The following ZNF362 variants were observed in gnomAD, a reference collection of about 807,000 sequenced individuals.
The protein encoded by ZNF362 is rotund homolog.
In ZNF362, 11 loss-of-function variants were observed where a neutral mutation model predicts 42.9. That is an observed-to-expected ratio of 0.26 (90% confidence interval 0.16 to 0.42). ZNF362 has a LOEUF of 0.42. Among genes scored for constraint, ZNF362 ranks in the 20% least tolerant of loss-of-function variants. The pLI is 1.00. For synonymous variants in ZNF362, 255 were observed against 257.3 expected, an observed-to-expected ratio of 0.99 and a Z score of 0.09; for missense variants, 362 against 576.2, an observed-to-expected ratio of 0.63 and a Z score of 3.81.
the ZNF362 span, among the ~76,000 whole-genome samples, chr1:33,189,634 C>CATATATATATATAT: frequency 9.0e-4 from 50 of 55,416 alleles, no homozygotes; most frequent in East Asian, 1.8e-3. Context: ...CACATTCCAG[C>CATATATATATATAT]ATATATATAT....
the ZNF362 span, among the ~76,000 whole-genome samples, chr1:33,200,781 G>A: frequency 1.3e-5 from 2 of 152,282 alleles, no homozygotes; most frequent in African/African-American, 4.8e-5. Context: ...GCTAAATTGT[G>A]TACCCTTTCC....
At chr1:33,221,316 C>A in the ZNF362 span, among the ~76,000 whole-genome samples, 1 of 152,212 alleles carries the variant, frequency 6.6e-6, no homozygotes, top group Non-Finnish European at 1.5e-5. Context: ...CCCCATCAGG[C>A]AGGCTTGGGC....
chr1:33,129,952 C>A, the ZNF362 span, among the ~76,000 whole-genome samples: 1 of 152,078 alleles, frequency 6.6e-6, no homozygotes, highest in African/African-American at 2.4e-5. The surrounding 1 kb of genome is among the most constrained non-coding windows in gnomAD (Gnocchi z 4.1). Context: ...CTCTGCCTCC[C>A]GGGTTCAAGC....
At chr1:33,166,747 C>T in the ZNF362 span, among the ~76,000 whole-genome samples, 3 of 152,086 alleles carry the variant, frequency 2.0e-5, no homozygotes, top group African/African-American at 7.2e-5. Flanking sequence ...ACAACAAATC[C>T]ACAACACACA....
At chr1:33,147,296 A>G in the ZNF362 span, 1 of 1,614,060 alleles carries the variant, frequency 6.2e-7, no homozygotes, top group Non-Finnish European at 8.5e-7. The surrounding 1 kb of genome is among the most constrained non-coding windows in gnomAD (Gnocchi z 8.1). Flanking sequence ...GTGTAGAGCC[A>G]GGACATGTCA....
At position 33,266,141 on chromosome 1, in the gene ZNF362, T is replaced by C. The variant is rs904353370; in HGVS notation, c.-88-4346T>C. On this transcript the variant is annotated intron_variant, in intron 1 of 8. Coordinates refer to ENST00000539719, the MANE Select transcript of ZNF362 (RefSeq NM_152493.3). This position sits in a 1 kb window ranked among gnomAD's most constrained non-coding sequence, Gnocchi z 4.3. The stretch of plus-strand genomic sequence containing the variant: ...CCAGCCTGACTGCAGCAGTAGCTGT[T>C]GCCCCTCTCTGGGGGCAGGGATTAT... Among the ~76,000 whole-genome samples, 3 of 152,224 alleles carry C rather than the reference T, an allele frequency of 2.0e-5. No homozygotes were observed. The highest frequency in any genetic ancestry group is 7.2e-5 in the African/African-American group (3 of 41,464).
intron 1 of ZNF362, among the ~76,000 whole-genome samples, chr1:33,264,321 T>C (rs897016346): frequency 6.6e-6 from 1 of 152,066 alleles, no homozygotes; most frequent in African/African-American, 2.4e-5. Flanking sequence ...CTAGATGGCA[T>C]TACTGGCTGG....
chr1:33,216,599 C>CAAAAAAAAAAAA, the ZNF362 span, among the ~76,000 whole-genome samples: 17 of 71,898 alleles, frequency 2.4e-4, no homozygotes, highest in East Asian at 4.0e-4. Flanking sequence ...GACTCTGTCT[C>CAAAAAAAAAAAA]AAAAAAAAAA....
chr1:33,147,719 C>T, the ZNF362 span: 12 of 1,609,188 alleles, frequency 7.5e-6, 1 homozygote, highest in South Asian at 7.7e-5. This position sits in a 1 kb window ranked among gnomAD's most constrained non-coding sequence, Gnocchi z 8.1. Context: ...AGGGTTAGGG[C>T]GGCTGGCACT....
chr1:33,287,952 G>A (rs565969775), intron 6 of ZNF362, among the ~76,000 whole-genome samples: 12 of 152,226 alleles, frequency 7.9e-5, no homozygotes, highest in African/African-American at 2.9e-4. Context: ...TAAAAAACAC[G>A]ACATGCCAAA....
At chr1:33,240,893 A>T in the ZNF362 span, among the ~76,000 whole-genome samples, 1 of 152,116 alleles carries the variant, frequency 6.6e-6, no homozygotes, top group African/African-American at 2.4e-5. Context: ...TTTCAATCTC[A>T]CTTTGCTGGT....
intron 6 of ZNF362, among the ~76,000 whole-genome samples, chr1:33,293,564 G>A (rs898717961): frequency 5.3e-5 from 8 of 152,182 alleles, no homozygotes; most frequent in Non-Finnish European, 8.8e-5. Context: ...GAGAGGGGCT[G>A]GGGCCTTGGA....
At chr1:33,131,104 G>T in the ZNF362 span, among the ~76,000 whole-genome samples, 4 of 152,218 alleles carry the variant, frequency 2.6e-5, no homozygotes, top group Non-Finnish European at 5.9e-5. Flanking sequence ...GTTGGTCAAA[G>T]AAAACAGCCA....
chr1:33,158,176 C>T, the ZNF362 span: 20 of 1,343,230 alleles, frequency 1.5e-5, no homozygotes, highest in Non-Finnish European at 2.1e-5. Context: ...CTGCCCCATG[C>T]TGTGTTTAGG....
rs542571694 is a variant in ZNF362 at position 33,299,618 on chromosome 1, C to T, written c.*572C>T. The T allele has an allele frequency of 6.5e-6, 1 of 153,944 alleles. No individual in the cohort carries two copies. The highest frequency in any genetic ancestry group is 2.4e-5 in the African/African-American group (1 of 41,558). 9.5% of individuals were successfully genotyped at this position (153,944 alleles called of 1,614,324 possible). ...CCCTGAGTGCCTGGCTCGCACCTCTCGAGCTGTGCCCTGGGCATCACTGAG... is the reference window on the plus strand; with the variant it reads ...CCCTGAGTGCCTGGCTCGCACCTCTTGAGCTGTGCCCTGGGCATCACTGAG... On this transcript the variant is annotated 3_prime_UTR_variant, in exon 9 of 9. Transcript: ENST00000539719.
the ZNF362 span, among the ~76,000 whole-genome samples, chr1:33,234,029 T>C: frequency 6.6e-6 from 1 of 152,216 alleles, no homozygotes; most frequent in East Asian, 1.9e-4. Flanking sequence ...ATAAATCTCA[T>C]CTATTTTTAT....
chr1:33,280,593 G>A lies in ZNF362; in HGVS notation c.683+136G>A. ...GCAGGGCTAGGGTCCAGAGGGGCGG[G>A]GCCTTCTGGAGAGCCCCACCCACAT... On this transcript the variant is annotated intron_variant, in intron 5 of 8. Coordinates refer to ENST00000539719, the MANE Select transcript of ZNF362 (RefSeq NM_152493.3). This position sits in a 1 kb window ranked among gnomAD's most constrained non-coding sequence, Gnocchi z 5.6. 2.8e-6 allele frequency: 4 copies of A among 1,426,306 alleles called. No individual in the cohort carries two copies. Among genetic ancestry groups the A allele is most frequent in the Non-Finnish European group, 3.7e-6 (4 of 1,086,284 alleles). 88.4% of individuals were successfully genotyped at this position (1,426,306 alleles called of 1,614,324 possible).
intron 4 of ZNF362, among the ~76,000 whole-genome samples, chr1:33,278,933 CAT>C (rs1645970444): frequency 6.6e-6 from 1 of 152,192 alleles, no homozygotes; most frequent in African/African-American, 2.4e-5. Context: ...TATGTACACA[CAT>C]CTTTGTGCTC....
intron 1 of ZNF362, among the ~76,000 whole-genome samples, chr1:33,262,806 T>C (rs984169138): frequency 6.6e-6 from 1 of 152,244 alleles, no homozygotes; most frequent in African/African-American, 2.4e-5. Context: ...ACTCCTCTGC[T>C]ATTTCAGAAA....
Sources: gnomAD v4.1 joint callset for allele counts (sites outside exome capture counted in the v4.1 genomes callset) on GRCh38, gnomAD v4.1.1 for gene constraint, Gnocchi (gnomAD v3.1) non-coding constraint, MANE v1.5 for transcripts, NCBI Gene and HGNC (gene_info 2026-07-23, HGNC 2026-07-21) for gene names.